The following ZNG1E variants were observed in gnomAD, a reference collection of about 807,000 sequenced individuals.
The protein encoded by ZNG1E is zinc-regulated GTPase metalloprotein activator 1E.
the ZNG1E span, among the ~76,000 whole-genome samples, chr9:65,657,685 A>G: frequency 6.6e-6 from 1 of 152,260 alleles, no homozygotes; most frequent in African/African-American, 2.4e-5. Flanking sequence ...ACAATAATTT[A>G]CCATACATTT....
chr9:65,693,814 C>G, the ZNG1E span, among the ~76,000 whole-genome samples: 1 of 151,900 alleles, frequency 6.6e-6, no homozygotes, highest in Non-Finnish European at 1.5e-5. Context: ...GCCTCAGCCT[C>G]CCAAAGTGCT....
the ZNG1E span, among the ~76,000 whole-genome samples, chr9:65,687,213 G>C: frequency 1.4e-5 from 2 of 138,462 alleles, no homozygotes; most frequent in Non-Finnish European, 3.1e-5. Context: ...AATTGGCCTA[G>C]TTTCGTGTTG....
the ZNG1E span, among the ~76,000 whole-genome samples, chr9:65,716,945 TTCTAG>T: frequency 6.7e-6 from 1 of 148,966 alleles, no homozygotes; most frequent in Non-Finnish European, 1.5e-5. Context: ...CATTTTGCTT[TTCTAG>T]TTCCATTTAG....
the ZNG1E span, among the ~76,000 whole-genome samples, chr9:65,656,586 T>G: frequency 1.3e-5 from 2 of 152,240 alleles, no homozygotes; most frequent in Non-Finnish European, 2.9e-5. Flanking sequence ...ACATCCTCTC[T>G]TCAAACCTGT....
At chr9:65,675,578 A>C in the ZNG1E span, among the ~76,000 whole-genome samples, 1 of 149,202 alleles carries the variant, frequency 6.7e-6, no homozygotes, top group African/African-American at 2.6e-5. Flanking sequence ...GCCCTGTGGG[A>C]ACTGGTTAGG....
At chr9:65,657,482 T>C in the ZNG1E span, among the ~76,000 whole-genome samples, 1 of 152,282 alleles carries the variant, frequency 6.6e-6, no homozygotes, top group Non-Finnish European at 1.5e-5. Flanking sequence ...AAAAACAAAT[T>C]TCACATGTTC....
At chr9:65,659,751 ACTCC>A in the ZNG1E span, among the ~76,000 whole-genome samples, 1 of 152,146 alleles carries the variant, frequency 6.6e-6, no homozygotes, top group South Asian at 2.1e-4. Flanking sequence ...GAAGTGAAGG[ACTCC>A]CAACTTCTGG....
At chr9:65,704,637 G>A in the ZNG1E span, 1 of 912,240 alleles carries the variant, frequency 1.1e-6, no homozygotes, top group Non-Finnish European at 1.3e-6. Flanking sequence ...TTTGGGCTGG[G>A]TGCGGTGGCT....
At chr9:65,686,885 G>C in the ZNG1E span, among the ~76,000 whole-genome samples, 2 of 152,378 alleles carry the variant, frequency 1.3e-5, no homozygotes, top group African/African-American at 4.8e-5. Flanking sequence ...AAGAGAGTTA[G>C]GGTTGCTCTG....
At chr9:65,668,277 C>T in the ZNG1E span, among the ~76,000 whole-genome samples, 2 of 150,598 alleles carry the variant, frequency 1.3e-5, no homozygotes, top group Non-Finnish European at 3.0e-5. Context: ...CAGAAAAATA[C>T]CTAACATGGC....
the ZNG1E span, among the ~76,000 whole-genome samples, chr9:65,671,590 G>C: frequency 2.0e-5 from 3 of 152,222 alleles, no homozygotes; most frequent in African/African-American, 7.2e-5. Flanking sequence ...AAAGTGCTGG[G>C]ATTACAGGCA....
At chr9:65,683,829 A>T in the ZNG1E span, among the ~76,000 whole-genome samples, 1 of 152,286 alleles carries the variant, frequency 6.6e-6, no homozygotes, top group Non-Finnish European at 1.5e-5. Flanking sequence ...ATGGGTTTTC[A>T]TACCTTTCTG....
the ZNG1E span, among the ~76,000 whole-genome samples, chr9:65,675,128 G>A: frequency 6.6e-6 from 1 of 152,056 alleles, no homozygotes; most frequent in Non-Finnish European, 1.5e-5. Flanking sequence ...ACCAATTCAT[G>A]ACTGTTGTTA....
At chr9:65,659,927 C>CAA in the ZNG1E span, among the ~76,000 whole-genome samples, 1 of 151,426 alleles carries the variant, frequency 6.6e-6, no homozygotes, top group Non-Finnish European at 1.5e-5. Context: ...GCCACCCCAT[C>CAA]AACTGAATCT....
chr9:65,685,256 A>G, the ZNG1E span, among the ~76,000 whole-genome samples: 1 of 152,272 alleles, frequency 6.6e-6, no homozygotes, highest in Admixed American at 6.5e-5. Context: ...CAATCAGGGT[A>G]GTAGTTACTG....
chr9:65,666,333 G>A, the ZNG1E span, among the ~76,000 whole-genome samples: 1 of 148,924 alleles, frequency 6.7e-6, no homozygotes, highest in Non-Finnish European at 1.5e-5. Context: ...TTGAAAAGGG[G>A]AGTTTCCCTG....
chr9:65,671,444 C>T, the ZNG1E span, among the ~76,000 whole-genome samples: 35 of 151,972 alleles, frequency 2.3e-4, no homozygotes, highest in South Asian at 4.2e-4. Flanking sequence ...CTCAACCTCC[C>T]GAGTAGCTGG....
chr9:65,685,134 C>G, the ZNG1E span, among the ~76,000 whole-genome samples: 1 of 152,100 alleles, frequency 6.6e-6, no homozygotes, highest in East Asian at 1.9e-4. Flanking sequence ...AACATACATA[C>G]CTTAATTAAA....
the ZNG1E span, among the ~76,000 whole-genome samples, chr9:65,715,330 AG>A: frequency 6.6e-6 from 1 of 150,898 alleles, no homozygotes; most frequent in Non-Finnish European, 1.5e-5. Flanking sequence ...CCGGTACCTC[AG>A]ATGGAAATGG....
Sources: gnomAD v4.1 joint callset for allele counts (sites outside exome capture counted in the v4.1 genomes callset) on GRCh38, gnomAD v4.1.1 for gene constraint, MANE v1.5 for transcripts, NCBI Gene and HGNC (gene_info 2026-07-23, HGNC 2026-07-21) for gene names.